Variants in PRH1 observed in about 807,000 individuals in gnomAD.
PRH1 encodes the protein salivary acidic proline-rich phosphoprotein 1/2.
Under a neutral mutation model 7.9 loss-of-function variants are expected in PRH1, and 7 were observed. The ratio of observed to expected loss-of-function variants is 0.89; its 90% CI spans 0.50 to 1.67. The LOEUF (loss-of-function observed/expected upper bound fraction) is 1.67. Ranked by LOEUF, PRH1 falls within the 40% of genes most tolerant of loss-of-function variation. The pLI, the probability that PRH1 is intolerant of heterozygous loss-of-function variation, is 0.00. For missense variants in PRH1, 109 were observed against 223.6 expected, an observed-to-expected ratio of 0.49 and a Z score of 3.27; for synonymous variants, 45 against 80.8, an observed-to-expected ratio of 0.56 and a Z score of 2.38.
intron 1 of PRH1, chr12:11,061,221 A>T (rs1218061442): frequency 5.3e-6 from 6 of 1,136,730 alleles, no homozygotes; most frequent in Non-Finnish European, 7.2e-6. Flanking sequence ...TTTTTAGACT[A>T]ACGTTAGGTA....
chr12:11,005,786 CT>C (rs1940800070), intron 1 of PRH1: 1 of 152,022 alleles, frequency 6.6e-6, no homozygotes, highest in African/African-American at 2.4e-5. Flanking sequence ...ATAAACTTAT[CT>C]CTCGTGCTTA....
At chr12:11,157,152 G>C (rs901443743) in intron 1 of PRH1, among the ~76,000 whole-genome samples, 2 of 152,172 alleles carry the variant, frequency 1.3e-5, no homozygotes, top group African/African-American at 4.8e-5. Flanking sequence ...GAATAAAAGT[G>C]TGAGTCTAAT....
intron 1 of PRH1, chr12:10,987,002 T>C (rs1473765735): frequency 3.0e-5 from 16 of 542,236 alleles, no homozygotes; most frequent in African/African-American, 3.9e-5. Flanking sequence ...CTGTGACCAG[T>C]GTCAAACAAG....
chr12:11,163,029 G>T (rs1947462574), intron 1 of PRH1, among the ~76,000 whole-genome samples: 1 of 152,178 alleles, frequency 6.6e-6, no homozygotes, highest in South Asian at 2.1e-4. Context: ...GCAGAACAAT[G>T]TGTGTAGTAT....
At chr12:11,039,445 T>G (rs777835521) in intron 1 of PRH1, among the ~76,000 whole-genome samples, 39 of 152,264 alleles carry the variant, frequency 2.6e-4, no homozygotes, top group Non-Finnish European at 4.7e-4. Flanking sequence ...AAGATAAAAT[T>G]TTCCACATCG....
intron 1 of PRH1, among the ~76,000 whole-genome samples, chr12:11,153,383 T>C (rs1947160743): frequency 6.6e-6 from 1 of 152,202 alleles, no homozygotes; most frequent in South Asian, 2.1e-4. Context: ...AAATAAATCA[T>C]CTTGAAAATT....
intron 2 of PRH1, among the ~76,000 whole-genome samples, chr12:10,943,491 T>C (rs1025940825): frequency 6.6e-6 from 1 of 152,186 alleles, no homozygotes; most frequent in Non-Finnish European, 1.5e-5. Flanking sequence ...AGATGCATTG[T>C]TTGCAAATAT....
At chr12:11,131,947 T>C (rs1377234107) in intron 1 of PRH1, among the ~76,000 whole-genome samples, 1 of 152,246 alleles carries the variant, frequency 6.6e-6, no homozygotes, top group South Asian at 2.1e-4. Context: ...TTCTAGGTCC[T>C]GGGAGTCAAC....
At chr12:11,099,565 A>C (rs1292542535) in intron 1 of PRH1, among the ~76,000 whole-genome samples, 1 of 152,044 alleles carries the variant, frequency 6.6e-6, no homozygotes, top group African/African-American at 2.4e-5. Context: ...GGCTCAGTGG[A>C]GTGTGCCTGT....
At chr12:11,148,880 C>A (rs1265214349) in intron 1 of PRH1, among the ~76,000 whole-genome samples, 8 of 136,726 alleles carry the variant, frequency 5.9e-5, no homozygotes, top group Non-Finnish European at 1.3e-4. Context: ...CCTCCTTGTA[C>A]CTCTGGTAGA....
Position 11,061,284 on chromosome 12 carries a change from A to G in PRH1, n.124-14096T>C, listed in dbSNP as rs947909567. 16 of 1,524,234 alleles carry G rather than the reference A, an allele frequency of 1.0e-5. No homozygotes were observed. The East Asian group carries it at 1.4e-4, about 13-fold the overall frequency. The allele number at this position is 1,524,234 out of a possible 1,614,324, so 94.4% of individuals were successfully genotyped here. A position where few individuals can be genotyped will look rare whatever the true frequency, so the allele number is the denominator to read the frequency against. On this transcript the variant is annotated intron_variant and non_coding_transcript_variant, in intron 1 of 4. Transcript: ENST00000541977. Reference sequence around the variant, plus strand: ...AGTTATTCATATACATACATTACAGAAAACACAGTAAGAAATATAAAATGC... The same window carrying G: ...AGTTATTCATATACATACATTACAGGAAACACAGTAAGAAATATAAAATGC...
chr12:11,036,489 A>C (rs1942437426), intron 1 of PRH1, among the ~76,000 whole-genome samples: 2 of 152,206 alleles, frequency 1.3e-5, no homozygotes, highest in South Asian at 2.1e-4. Context: ...TGGTCCTAAA[A>C]TCCGCTCTTT....
rs1164975654 is a variant in PRH1, at chr12:11,085,506, C to G, written n.124-38318G>C. On this transcript the variant is annotated intron_variant and non_coding_transcript_variant, in intron 1 of 4. Coordinates refer to the PRH1 transcript ENST00000541977. ...ACAAGATTCCCTTTAAGGTCCTGAC[C>G]TTAATTTCTATGTGTACCTGATTTC... Among the ~76,000 whole-genome samples, 4 of 118,986 alleles carry G rather than the reference C, an allele frequency of 3.4e-5. 1 individual carries two copies. The East Asian group carries it at 8.3e-4, about 25-fold the overall frequency. 78.1% of individuals were successfully genotyped at this position (118,986 alleles called of 152,430 possible). A position where few individuals can be genotyped will look rare whatever the true frequency, so the allele number is the denominator to read the frequency against.
At chr12:11,016,896 T>C (rs1941322072) in intron 1 of PRH1, among the ~76,000 whole-genome samples, 1 of 152,326 alleles carries the variant, frequency 6.6e-6, no homozygotes. Flanking sequence ...CTCCAAGGAA[T>C]GGAATTGATC....
intron 1 of PRH1, among the ~76,000 whole-genome samples, chr12:11,060,720 T>C (rs74726113): frequency 8.0e-6 from 1 of 125,714 alleles, no homozygotes; most frequent in Non-Finnish European, 1.8e-5. Context: ...GTAGACATAG[T>C]TGAAACTTAC....
chr12:10,962,388 G>T (rs1035190967), intron 2 of PRH1, among the ~76,000 whole-genome samples: 1 of 152,066 alleles, frequency 6.6e-6, no homozygotes, highest in Non-Finnish European at 1.5e-5. Flanking sequence ...TCTTTTATAT[G>T]CTGTTTTGAA....
At chr12:10,882,173 T>G in intron 3 of PRH1, 44 bp downstream of exon 3, 3 of 1,608,562 alleles carry the variant, frequency 1.9e-6, no homozygotes, top group Non-Finnish European at 2.5e-6. Flanking sequence ...GTTGGAGAAC[T>G]GTAGCAGTTG....
At chr12:10,978,521 A>G (rs1347887982) in intron 1 of PRH1, among the ~76,000 whole-genome samples, 1 of 152,248 alleles carries the variant, frequency 6.6e-6, no homozygotes, top group African/African-American at 2.4e-5. Context: ...CCTGGCAAAG[A>G]GTTCATGACA....
intron 1 of PRH1, chr12:11,031,233 G>C (rs10845295): frequency 1.3e-6 from 2 of 1,588,118 alleles, no homozygotes; most frequent in African/African-American, 2.7e-5. Flanking sequence ...CTCTTGACCC[G>C]CTCAATGGAA....
Sources: allele counts gnomAD v4.1 joint callset (sites outside exome capture counted in the v4.1 genomes callset), GRCh38; gene constraint gnomAD v4.1.1; transcripts MANE v1.5; gene names NCBI Gene and HGNC (gene_info 2026-07-23, HGNC 2026-07-21).